The following PIK3C2B variants were observed in gnomAD, a reference collection of about 807,000 sequenced individuals.
The protein encoded by PIK3C2B is phosphatidylinositol 4-phosphate 3-kinase C2 domain-containing subunit beta.
A neutral mutation model predicts 184.3 loss-of-function variants in PIK3C2B; 83 were observed. That is an observed-to-expected ratio of 0.45 (90% confidence interval 0.38 to 0.54). The LOEUF is 0.54. Among genes scored for constraint, PIK3C2B ranks in the 20% least tolerant of loss-of-function variants. The pLI, the probability that PIK3C2B is intolerant of heterozygous loss-of-function variation, is 0.00. For synonymous variants in PIK3C2B, 779 were observed against 837.6 expected (o/e 0.93, Z 1.21); for missense variants, 1,736 against 2,113.5 (o/e 0.82, Z 3.50).
chr1:204,440,436 C>T (rs1675588574), intron 21 of PIK3C2B, 115 bp from the exon 22 acceptor site: 3 of 1,109,126 alleles, frequency 2.7e-6, no homozygotes, highest in African/African-American at 1.6e-5. Context: ...TCCCCAGCCT[C>T]ACACCCCTGA....
intron 29 of PIK3C2B, among the ~76,000 whole-genome samples, chr1:204,429,603 C>T (rs1199444728): frequency 6.6e-6 from 1 of 152,202 alleles, no homozygotes; most frequent in African/African-American, 2.4e-5. Context: ...GTTGATAATA[C>T]ATACTCAACC....
rs756932135 is a variant in PIK3C2B at position 204,444,404 on chromosome 1, C to T, written c.2699G>A (p.Arg900His). The T allele has an allele frequency of 4.0e-5, 64 of 1,613,590 alleles. No individual in the cohort carries two copies. The highest frequency in any genetic ancestry group is 5.2e-5 in the Non-Finnish European group (61 of 1,179,882). Residue 900 changes from arginine (R) to histidine (H), a missense_variant, in exon 17 of 33, where the codon CGT (arginine) becomes CAT (histidine). This residue lies in a region of PIK3C2B where 289 missense variants were observed against 380.4 expected (regional missense o/e 0.76). Transcript: ENST00000684373. ...LHATFPDQEV[R>H]RMAVQWIGSL... ...GCCAATCCACTGCACAGCCATACGACGCACCTCCTGGTCCGGGAAGCTGCA... is the reference window on the plus strand; with the variant it reads ...GCCAATCCACTGCACAGCCATACGATGCACCTCCTGGTCCGGGAAGCTGCA...
rs1164204116 is a variant in PIK3C2B at position 204,460,620 on chromosome 1, C to T, written c.1352G>A (p.Arg451His). Residue 451 changes from arginine (R) to histidine (H), a missense_variant, in exon 6 of 33, where the codon CGC (arginine) becomes CAC (histidine). Arg to His is a conservative substitution (Grantham distance 29). Coordinates refer to ENST00000684373, the MANE Select transcript of PIK3C2B (RefSeq NM_001377334.1). ...TAGCCGAATGTCAATGTCAAACTTG[C>T]GGCAGTATTGGATGTACTCATGACT... ...LGSHEYIQYC[R>H]KFDIDIRLQL... is the part of the protein sequence containing the mutation. 9 of 1,613,870 alleles carry T rather than the reference C, an allele frequency of 5.6e-6. No individual in the cohort carries two copies. The highest frequency in any genetic ancestry group is 5.9e-6 in the Non-Finnish European group (7 of 1,179,934).
In PIK3C2B at chr1:204,469,193, C is replaced by G; in HGVS notation, c.610G>C (p.Glu204Gln). ...LVEQLPGKLL[E>Q]HRILEEEEVL... ...TCTTCCTCTTCTAGGATCCGATGCT[C>G]TAGCAGTTTGCCCGGCAATTGTTCG... The change falls in exon 2 of 33, where the codon GAG becomes CAG. Residue 204 changes from glutamate to glutamine, a missense_variant. Physicochemically the swap from Glu to Gln is conservative, Grantham distance 29 (BLOSUM62 2). This residue lies in a region of PIK3C2B where 404 missense variants were observed against 418.0 expected (regional missense o/e 0.97). Coordinates refer to ENST00000684373, the MANE Select transcript of PIK3C2B (RefSeq NM_001377334.1). 1.2e-6 allele frequency: 2 copies of G among 1,612,688 alleles called. No individual in the cohort carries two copies. The highest frequency in any genetic ancestry group is 1.3e-5 in the African/African-American group (1 of 75,028).
intron 2 of PIK3C2B, among the ~76,000 whole-genome samples, chr1:204,466,571 A>C (rs889257084): frequency 1.3e-5 from 2 of 152,162 alleles, no homozygotes; most frequent in African/African-American, 4.8e-5. Flanking sequence ...CCTGTGTCCC[A>C]GTCAAAACAA....
chr1:204,431,931 A>G (rs949696), intron 27 of PIK3C2B, 138 bp from the exon 28 acceptor site: 49,350 of 938,950 alleles, frequency 0.053, 1,997 homozygotes, highest in East Asian at 0.15. Context: ...GTGGAGACAG[A>G]TGATAGCACA....
At position 204,457,725 on chromosome 1, in the gene PIK3C2B, T is replaced by TACCTTC. The variant is rs1558258413; in HGVS notation, c.1710_1713+2dup. The stretch of plus-strand genomic sequence containing the variant: ...CCCCTGCTAGCACCCTGGGCCCCTT[T>TACCTTC]ACCTTCTGAATTTTAGGCTGCATGC... On this transcript the variant is annotated splice_region_variant and intron_variant, in intron 9 of 32. Coordinates refer to ENST00000684373, the MANE Select transcript of PIK3C2B (RefSeq NM_001377334.1). The TACCTTC allele has an allele frequency of 6.2e-7, 1 of 1,602,242 alleles. No individual in the cohort carries two copies. Among genetic ancestry groups the TACCTTC allele is most frequent in the Non-Finnish European group, 8.5e-7 (1 of 1,174,710 alleles).
At chr1:204,456,909 CACACACACACACA>C in intron 10 of PIK3C2B, 115 bp downstream of exon 10, 1 of 161,186 alleles carries the variant, frequency 6.2e-6, no homozygotes, top group African/African-American at 3.1e-5. Flanking sequence ...CACACACACC[CACACACACACACA>C]CACCAGCCGA....
chr1:204,467,019 G>T, intron 2 of PIK3C2B: 1 of 474,050 alleles, frequency 2.1e-6, no homozygotes. Context: ...AGCTGAGCCG[G>T]GGAGGACCAA....
At chr1:204,451,114 T>C (rs1446993400) in intron 12 of PIK3C2B, among the ~76,000 whole-genome samples, 2 of 152,198 alleles carry the variant, frequency 1.3e-5, no homozygotes, top group Non-Finnish European at 2.9e-5. Context: ...CCCACAGCTA[T>C]AATTAGGGCC....
chr1:204,446,093 G>C lies in PIK3C2B; in HGVS notation c.2541C>G (p.His847Gln). ...CCAGGGGGAGCGAGCTCACCTCCGA[G>C]TGGCAGTAATATCGCTTCTCCCACA... Reference protein sequence around the residue: ...KRLWEKRYYCHSEVSSLPLVL... With the variant: ...KRLWEKRYYCQSEVSSLPLVL... Residue 847 changes from histidine (H) to glutamine (Q), a missense_variant, in exon 16 of 33, where the codon CAC becomes CAG. Transcript: ENST00000684373. 5.6e-6 allele frequency: 9 copies of C among 1,595,844 alleles called. No homozygotes were observed. The highest frequency in any genetic ancestry group is 2.3e-5 in the East Asian group (1 of 44,394).
rs1306411018 is a variant in PIK3C2B at position 204,464,610 on chromosome 1, C to A, written c.1035-6G>T. On this transcript the variant is annotated splice_region_variant and splice_polypyrimidine_tract_variant and intron_variant, in intron 3 of 32. Transcript: ENST00000684373. ...TGTCAGAGCCAGATCGAAGGCTGTA[C>A]AGGAAGAAAAAAAACCCTCACTGTG... 1 of 1,609,356 alleles carries A rather than the reference C, an allele frequency of 6.2e-7. No homozygotes were observed.
intron 1 of PIK3C2B, among the ~76,000 whole-genome samples, chr1:204,472,406 A>G (rs1187000387): frequency 1.3e-5 from 2 of 151,558 alleles, no homozygotes; most frequent in African/African-American, 4.8e-5. Context: ...CTCGTGATCC[A>G]CCCAGCTCGG....
chr1:204,431,419 T>G (rs888117546), intron 28 of PIK3C2B: 1 of 541,908 alleles, frequency 1.8e-6, no homozygotes, highest in Non-Finnish European at 3.3e-6. Flanking sequence ...AATTAGAAAT[T>G]TTGAAACATC....
chr1:204,460,606 C>A lies in PIK3C2B; in HGVS notation c.1366G>T (p.Asp456Tyr), dbSNP rs1655249773. 1 of 1,613,988 alleles carries A rather than the reference C, an allele frequency of 6.2e-7. No homozygotes were observed. Among genetic ancestry groups the A allele is most frequent in the South Asian group, 1.1e-5 (1 of 91,088 alleles). The change falls in exon 6 of 33, where the codon GAC becomes TAC. Residue 456 changes from aspartate (D) to tyrosine (Y), a missense_variant. Physicochemically the swap from Asp to Tyr is radical, Grantham distance 160 (BLOSUM62 -3). Transcript: ENST00000684373. Reference protein sequence around the residue: ...YIQYCRKFDIDIRLQLMEQKV... With the variant: ...YIQYCRKFDIYIRLQLMEQKV... ...TGCTCCATCAGCTGTAGCCGAATGTCAATGTCAAACTTGCGGCAGTATTGG... is the reference window on the plus strand; with the variant it reads ...TGCTCCATCAGCTGTAGCCGAATGTAAATGTCAAACTTGCGGCAGTATTGG...
At chr1:204,446,377 C>T (rs1653865378) in intron 15 of PIK3C2B, among the ~76,000 whole-genome samples, 1 of 152,330 alleles carries the variant, frequency 6.6e-6, no homozygotes, top group South Asian at 2.1e-4. Flanking sequence ...GGAAGCCAGG[C>T]ATCAGTCTAT....
Position 204,491,408 on chromosome 1 carries a change from T to G in PIK3C2B, c.-85+2948A>C, listed in dbSNP as rs576118073. ...TGTCTCAAAAAAAAAAAATGAATTCTGAGGCTGGACATAGTGGCTCATGCC... is the reference window on the plus strand; with the variant it reads ...TGTCTCAAAAAAAAAAAATGAATTCGGAGGCTGGACATAGTGGCTCATGCC... On this transcript the variant is annotated intron_variant, in intron 1 of 32. Coordinates refer to ENST00000684373, the MANE Select transcript of PIK3C2B (RefSeq NM_001377334.1). 2.0e-5 allele frequency among the ~76,000 whole-genome samples: 3 copies of G among 151,144 alleles called. No individual in the cohort carries two copies. In the East Asian group the frequency reaches 5.8e-4, roughly 29 times the overall value.
intron 12 of PIK3C2B, among the ~76,000 whole-genome samples, chr1:204,452,287 CCTTT>C (rs1654432284): frequency 2.3e-5 from 1 of 44,390 alleles, no homozygotes; most frequent in Admixed American, 3.4e-4. Flanking sequence ...TGTGCAGCAC[CCTTT>C]TTTTTTTTTT....
At chr1:204,436,438 G>A (rs982315905) in intron 23 of PIK3C2B, among the ~76,000 whole-genome samples, 3 of 152,306 alleles carry the variant, frequency 2.0e-5, no homozygotes, top group Middle Eastern at 3.4e-3. Flanking sequence ...GCTGAGTCAG[G>A]AGGATCACAT....
Sources: allele counts gnomAD v4.1 joint callset (sites outside exome capture counted in the v4.1 genomes callset), GRCh38; gene constraint gnomAD v4.1.1; regional missense constraint gnomAD v4.1.1; transcripts MANE v1.5; gene names NCBI Gene and HGNC (gene_info 2026-07-23, HGNC 2026-07-21).